Variants in COG5 observed in about 807,000 individuals in gnomAD.
COG5 encodes component of oligomeric golgi complex 5.
COG5 carries 86 observed loss-of-function variants against 110.4 expected under a neutral mutation model. That is an observed-to-expected ratio of 0.78 (90% CI 0.65 to 0.93). The LOEUF is 0.93. Among genes scored for constraint, COG5 ranks in the 40% least tolerant of loss-of-function variants. The pLI is 0.00. For synonymous variants in COG5, 360 were observed against 334.6 expected (o/e 1.08, Z -0.83); for missense variants, 1,077 against 987.0 (o/e 1.09, Z -1.22).
At chr7:107,226,449 G>T (rs577906002) in intron 19 of COG5, among the ~76,000 whole-genome samples, 4 of 152,192 alleles carry the variant, frequency 2.6e-5, no homozygotes, top group African/African-American at 9.7e-5. Flanking sequence ...TTTGCAGGTA[G>T]GTAAAACAGA....
chr7:107,480,636 A>G lies in COG5; in HGVS notation c.538+46601T>C, dbSNP rs1350556463. Among the ~76,000 whole-genome samples the G allele has an allele frequency of 2.0e-5, 3 of 152,160 alleles. No homozygotes were observed. In the East Asian group the frequency reaches 5.8e-4, roughly 29 times the overall value. On this transcript the variant is annotated intron_variant, in intron 6 of 21. Coordinates refer to ENST00000297135, the MANE Select transcript of COG5 (RefSeq NM_006348.5). ...CTCACAAAAGAAAACTAATTTGAAG[A>G]TTGACTTTTTTCTAAAAAGCATTCG...
intron 10 of COG5, among the ~76,000 whole-genome samples, chr7:107,350,990 T>C (rs1056748670): frequency 1.3e-5 from 2 of 152,226 alleles, no homozygotes; most frequent in African/African-American, 4.8e-5. Context: ...GCAAGCTTAA[T>C]AGTACATTAA....
chr7:107,300,414 T>G (rs762549576), intron 11 of COG5, among the ~76,000 whole-genome samples: 10 of 152,068 alleles, frequency 6.6e-5, no homozygotes, highest in Non-Finnish European at 1.2e-4. Context: ...TACAAGCATC[T>G]ATATGGAAAA....
At position 107,253,171 on chromosome 7, in the gene COG5, G is replaced by C. The variant is rs1036123782; in HGVS notation, c.1749+3561C>G. On this transcript the variant is annotated intron_variant, in intron 16 of 21. Transcript: ENST00000297135. ...TGCATAAGATATGGTGGTTTACATA[G>C]AAAACTTTATTGCTGGGTGAGGTTT... The C allele has an allele frequency of 2.0e-5, 3 of 152,214 alleles. No homozygotes were observed. In the South Asian group the frequency reaches 6.2e-4, roughly 32 times the overall value. The allele number at this position is 152,214 out of a possible 1,614,324, so 9.4% of individuals were successfully genotyped here.
At position 107,387,120 on chromosome 7, in the gene COG5, ATTTCT is replaced by A. The variant is rs201572193; in HGVS notation, c.670-14365_670-14361del. On this transcript the variant is annotated intron_variant, in intron 7 of 21. Coordinates refer to ENST00000297135, the MANE Select transcript of COG5 (RefSeq NM_006348.5). ...TGCAAGATTGACAAGGCAATCGAGT[ATTTCT>A]TTTAACACTTATAAAAAGATAAAGC... Among the ~76,000 whole-genome samples, 55 of 152,336 alleles carry A rather than the reference ATTTCT, an allele frequency of 3.6e-4. 1 individual carries two copies. In the East Asian group the frequency reaches 9.8e-3, roughly 27 times the overall value.
chr7:107,365,780 G>A (rs186186915), intron 8 of COG5, among the ~76,000 whole-genome samples: 21 of 152,022 alleles, frequency 1.4e-4, no homozygotes, highest in African/African-American at 4.3e-4. Context: ...TAGCTTTACT[G>A]GTAGCCATAC....
intron 7 of COG5, among the ~76,000 whole-genome samples, chr7:107,408,229 C>T (rs985764933): frequency 6.6e-6 from 1 of 152,180 alleles, no homozygotes; most frequent in Non-Finnish European, 1.5e-5. Context: ...TGTTTTCCTG[C>T]CTCAACAGCA....
chr7:107,526,009 ATTAT>A (rs1461218926), intron 6 of COG5, among the ~76,000 whole-genome samples: 1 of 152,240 alleles, frequency 6.6e-6, no homozygotes, highest in Non-Finnish European at 1.5e-5. Flanking sequence ...CTGTTGAAGC[ATTAT>A]TTGTGAAGGA....
intron 6 of COG5, among the ~76,000 whole-genome samples, chr7:107,480,337 A>T (rs1797263133): frequency 6.6e-6 from 1 of 152,188 alleles, no homozygotes; most frequent in Admixed American, 6.6e-5. Flanking sequence ...AAACTAAAGT[A>T]AACTTTGACC....
At chr7:107,287,750 G>T (rs952343671) in intron 12 of COG5, among the ~76,000 whole-genome samples, 2 of 152,108 alleles carry the variant, frequency 1.3e-5, no homozygotes, top group African/African-American at 4.8e-5. Context: ...GTGTATCTGT[G>T]TATGTGTGTG....
intron 6 of COG5, among the ~76,000 whole-genome samples, chr7:107,461,843 A>G (rs2129101321): frequency 6.6e-6 from 1 of 152,322 alleles, no homozygotes; most frequent in East Asian, 1.9e-4. Context: ...TATGTGTGAG[A>G]CCTCTACACT....
In COG5 at chr7:107,474,974, G is replaced by A. The variant is rs377315363; in HGVS notation, c.538+52263C>T. Reference sequence around the variant, plus strand: ...GCTGTGAAACGACACCGTGAACGACGAGAAAGACAAAAGAGAGTCTTCAGG... The same window carrying A: ...GCTGTGAAACGACACCGTGAACGACAAGAAAGACAAAAGAGAGTCTTCAGG... On this transcript the variant is annotated intron_variant, in intron 6 of 21. Transcript: ENST00000297135. This position sits in a 1 kb window ranked among gnomAD's most constrained non-coding sequence, Gnocchi z 5.7. 7 of 1,612,248 alleles carry A rather than the reference G, an allele frequency of 4.3e-6. No individual in the cohort carries two copies. The highest frequency in any genetic ancestry group is 1.7e-4 in the Middle Eastern group (1 of 6,040).
chr7:107,223,937 T>C (rs1331718258), intron 19 of COG5, among the ~76,000 whole-genome samples: 1 of 152,206 alleles, frequency 6.6e-6, no homozygotes, highest in African/African-American at 2.4e-5. Flanking sequence ...AACCAAATAA[T>C]AGTTGTCAGA....
intron 19 of COG5, among the ~76,000 whole-genome samples, chr7:107,217,224 A>T (rs531222732): frequency 6.6e-6 from 1 of 152,168 alleles, no homozygotes; most frequent in East Asian, 1.9e-4. Flanking sequence ...CAGACCAATA[A>T]TGAGTAAAGA....
intron 5 of COG5, among the ~76,000 whole-genome samples, chr7:107,545,300 T>C (rs180996935): frequency 6.6e-6 from 1 of 152,122 alleles, no homozygotes; most frequent in Non-Finnish European, 1.5e-5. Context: ...TCAGGTTCAA[T>C]GTAAACAAGA....
chr7:107,347,480 T>A (rs751838389), intron 10 of COG5, among the ~76,000 whole-genome samples: 1 of 152,216 alleles, frequency 6.6e-6, no homozygotes, highest in Non-Finnish European at 1.5e-5. Context: ...GGTCTGCAAT[T>A]TGTTCAAATG....
chr7:107,342,665 G>A (rs975495675), intron 10 of COG5, among the ~76,000 whole-genome samples: 2 of 151,776 alleles, frequency 1.3e-5, no homozygotes, highest in East Asian at 1.9e-4. Context: ...GCAACAGAGC[G>A]AGACTCTGTC....
chr7:107,351,447 A>G (rs963561877), intron 10 of COG5, among the ~76,000 whole-genome samples: 26 of 152,216 alleles, frequency 1.7e-4, no homozygotes, highest in African/African-American at 6.0e-4. Flanking sequence ...ACAAAAGCCA[A>G]AATTGACAAA....
chr7:107,201,495 A>C lies in COG5; in HGVS notation c.*2021T>G. ...ACATTGACTCTTGATGGAAAGACTT[A>C]AGAAGATCAAGGTCTCACCATTTGT... On this transcript the variant is annotated 3_prime_UTR_variant, in exon 22 of 22. Coordinates refer to ENST00000297135, the MANE Select transcript of COG5 (RefSeq NM_006348.5). 1 of 1,011,990 alleles carries C rather than the reference A, an allele frequency of 9.9e-7. No homozygotes were observed. Among genetic ancestry groups the C allele is most frequent in the Non-Finnish European group, 1.6e-6 (1 of 643,064 alleles). The allele number at this position is 1,011,990 out of a possible 1,614,324, so 62.7% of individuals were successfully genotyped here.
Sources: allele counts gnomAD v4.1 joint callset (sites outside exome capture counted in the v4.1 genomes callset), GRCh38; gene constraint gnomAD v4.1.1; non-coding constraint Gnocchi (gnomAD v3.1); transcripts MANE v1.5; gene names NCBI Gene and HGNC (gene_info 2026-07-23, HGNC 2026-07-21).